The following TECPR2 variants were observed in gnomAD, a reference collection of about 807,000 sequenced individuals.
The protein encoded by TECPR2 is tectonin beta-propeller repeat-containing protein 2.
A neutral mutation model predicts 138.1 loss-of-function variants in TECPR2; 65 were observed. The ratio of observed to expected loss-of-function variants is 0.47; its 90% CI spans 0.39 to 0.58. TECPR2 has a LOEUF of 0.58. Among genes scored for constraint, TECPR2 ranks in the 20% least tolerant of loss-of-function variants. The probability of loss-of-function intolerance (pLI) is 0.00; values close to 1 mark genes in which losing one functional copy is unlikely to be tolerated. For synonymous variants in TECPR2, 746 were observed against 749.8 expected, an observed-to-expected ratio of 0.99 and a Z score of 0.08; for missense variants, 1,553 against 1,824.5, an observed-to-expected ratio of 0.85 and a Z score of 2.71.
At chr14:102,445,498 T>C (rs912069985) in intron 12 of TECPR2, among the ~76,000 whole-genome samples, 2 of 152,102 alleles carry the variant, frequency 1.3e-5, no homozygotes, top group Non-Finnish European at 2.9e-5. Context: ...ATGGAGGCGC[T>C]CAGGGGCCTT....
chr14:102,463,901 A>G (rs1313104843), intron 16 of TECPR2, among the ~76,000 whole-genome samples: 1 of 152,180 alleles, frequency 6.6e-6, no homozygotes, highest in Non-Finnish European at 1.5e-5. Flanking sequence ...ACCAGCCTGG[A>G]TGACAGAGCA....
intron 6 of TECPR2, among the ~76,000 whole-genome samples, chr14:102,426,098 G>A (rs967112158): frequency 9.9e-5 from 15 of 151,930 alleles, no homozygotes; most frequent in Non-Finnish European, 2.2e-4. Flanking sequence ...TGTTGGCCAG[G>A]CTGGTCTCGA....
In TECPR2 at chr14:102,465,137, A is replaced by G. The variant is rs374009074; in HGVS notation, c.3641-4A>G. On this transcript the variant is annotated splice_polypyrimidine_tract_variant and splice_region_variant and intron_variant, in intron 16 of 19. Coordinates refer to ENST00000359520, the MANE Select transcript of TECPR2 (RefSeq NM_014844.5). Reference sequence around the variant, plus strand: ...ATAGTGTGTGTACTTTTCTTTATCTACAGGAGCTGTAAAATTGACAAGCTT... The same window carrying G: ...ATAGTGTGTGTACTTTTCTTTATCTGCAGGAGCTGTAAAATTGACAAGCTT... 25 of 1,614,082 alleles carry G rather than the reference A, an allele frequency of 1.5e-5. No homozygotes were observed. The highest frequency in any genetic ancestry group is 1.9e-5 in the Non-Finnish European group (23 of 1,180,022).
At chr14:102,438,292 G>C in intron 10 of TECPR2, 87 bp downstream of exon 10, 1 of 1,458,012 alleles carries the variant, frequency 6.9e-7, no homozygotes, top group East Asian at 2.4e-5. Flanking sequence ...TCTTAGTACA[G>C]GGCTCCCCTG....
Position 102,407,389 on chromosome 14 carries a change from C to A in TECPR2, c.271C>A (p.Leu91Met), listed in dbSNP as rs1252131374. The A allele has an allele frequency of 6.2e-7, 1 of 1,613,694 alleles. No individual in the cohort carries two copies. Among genetic ancestry groups the A allele is most frequent in the Admixed American group, 1.7e-5 (1 of 59,948 alleles). ...GAAGCTGCTGAGCTGCTTTGATGAC[C>A]TGGTGGCAGCAGGCACAGCCTCTGG... ...VVKLLSCFDD[L>M]VAAGTASGRV... is the part of the protein sequence containing the mutation. Residue 91 changes from leucine (L) to methionine (M), a missense_variant, in exon 3 of 20, where the codon CTG becomes ATG. By Grantham distance (15) the Leu-to-Met change is conservative (BLOSUM62 2). Transcript: ENST00000359520.
Position 102,431,817 on chromosome 14 carries a change from C to G in TECPR2, c.1106C>G (p.Ser369Cys). ...TSTVRDGLEMSGCSERVHVQQ... is the reference protein window; with the variant it reads ...TSTVRDGLEMCGCSERVHVQQ... Reference sequence around the variant, plus strand: ...TTAGTGAGAGATGGTCTGGAGATGTCTGGATGCTCAGAGCGTGTCCACGTG... The same window carrying G: ...TTAGTGAGAGATGGTCTGGAGATGTGTGGATGCTCAGAGCGTGTCCACGTG... The change falls in exon 8 of 20, where the codon TCT becomes TGT. Residue 369 changes from serine (S) to cysteine (C), a missense_variant. Physicochemically the swap from Ser to Cys is moderately radical, Grantham distance 112. Transcript: ENST00000359520. 1 of 1,578,924 alleles carries G rather than the reference C, an allele frequency of 6.3e-7. No homozygotes were observed. The highest frequency in any genetic ancestry group is 8.6e-7 in the Non-Finnish European group (1 of 1,156,368).
In TECPR2 at chr14:102,434,633, G is replaced by C; in HGVS notation, c.1816G>C (p.Asp606His). The change falls in exon 9 of 20, where the codon GAT becomes CAT. Residue 606 changes from aspartate to histidine, a missense_variant. By Grantham distance (81) the Asp-to-His change is moderately conservative (BLOSUM62 -1). Coordinates refer to ENST00000359520, the MANE Select transcript of TECPR2 (RefSeq NM_014844.5). ...GLGDEPCPAD[D>H]GPNSTQLPFQ... ...CGGAGATGAGCCGTGTCCTGCAGAT[G>C]ATGGACCAAATAGCACACAGTTACC... The C allele has an allele frequency of 1.3e-6, 2 of 1,594,478 alleles. No homozygotes were observed. The highest frequency in any genetic ancestry group is 1.7e-6 in the Non-Finnish European group (2 of 1,166,886).
At chr14:102,453,310 T>C (rs1350748317) in intron 16 of TECPR2, among the ~76,000 whole-genome samples, 1 of 151,932 alleles carries the variant, frequency 6.6e-6, no homozygotes, top group Non-Finnish European at 1.5e-5. Context: ...ACCCTGTCTC[T>C]ACTAAAAATA....
At chr14:102,439,091 C>T (rs1284367208) in intron 10 of TECPR2, among the ~76,000 whole-genome samples, 1 of 152,014 alleles carries the variant, frequency 6.6e-6, no homozygotes, top group Non-Finnish European at 1.5e-5. Flanking sequence ...GTCTTGATCT[C>T]CTGACCTCAT....
At position 102,429,281 on chromosome 14, in the gene TECPR2, G is replaced by A. The variant is rs567405657; in HGVS notation, c.1084+899G>A. Reference sequence around the variant, plus strand: ...GAAGATGGGGAGATTGAGAAAGGAGGAAGGAAAAATCAGAAACCACTTTAC... The same window carrying A: ...GAAGATGGGGAGATTGAGAAAGGAGAAAGGAAAAATCAGAAACCACTTTAC... On this transcript the variant is annotated intron_variant, in intron 7 of 19. Transcript: ENST00000359520. Among the ~76,000 whole-genome samples the A allele has an allele frequency of 3.2e-3, 489 of 152,274 alleles. 4 individuals carry two copies. The highest frequency in any genetic ancestry group is 0.011 in the African/African-American group (475 of 41,564).
In TECPR2 at chr14:102,483,981, GA is replaced by G. The variant is rs1890960812; in HGVS notation, c.3790-12997del. Reference sequence around the variant, plus strand: ...CTGGCTGATTCTTATATTTTCAGTAGAGACAAGGTTTCACCATGTTTGCCAG... The same window carrying G: ...CTGGCTGATTCTTATATTTTCAGTAGGACAAGGTTTCACCATGTTTGCCAG... On this transcript the variant is annotated intron_variant, in intron 17 of 19. Coordinates refer to ENST00000359520, the MANE Select transcript of TECPR2 (RefSeq NM_014844.5). Among the ~76,000 whole-genome samples, 3 of 74,022 alleles carry G rather than the reference GA, an allele frequency of 4.1e-5. 1 individual carries two copies. Among genetic ancestry groups the G allele is most frequent in the Non-Finnish European group, 7.8e-5 (3 of 38,286 alleles). 48.6% of individuals were successfully genotyped at this position (74,022 alleles called of 152,430 possible).
At chr14:102,440,364 A>G in intron 10 of TECPR2, 72 bp from the exon 11 acceptor site, 3 of 1,556,628 alleles carry the variant, frequency 1.9e-6, no homozygotes, top group Non-Finnish European at 2.6e-6. Context: ...CTCAATGCCC[A>G]GCATGAAGAC....
At chr14:102,378,830 G>A (rs899417037) in intron 2 of TECPR2, among the ~76,000 whole-genome samples, 7 of 152,012 alleles carry the variant, frequency 4.6e-5, no homozygotes. Flanking sequence ...TCACCATGTT[G>A]GCCAGGCTGG....
chr14:102,452,656 G>A (rs748166337), intron 16 of TECPR2, 29 bp downstream of exon 16: 2 of 1,531,894 alleles, frequency 1.3e-6, no homozygotes, highest in Non-Finnish European at 8.9e-7. Flanking sequence ...TACACCTGCC[G>A]GTGCCCTGAC....
At position 102,449,750 on chromosome 14, in the gene TECPR2, G is replaced by C. The variant is rs868392319; in HGVS notation, c.3197G>C (p.Arg1066Pro). 11 of 1,614,044 alleles carry C rather than the reference G, an allele frequency of 6.8e-6. No homozygotes were observed. Among genetic ancestry groups the C allele is most frequent in the African/African-American group, 1.3e-5 (1 of 74,904 alleles). The change falls in exon 14 of 20, where the codon CGC becomes CCC. Residue 1066 changes from arginine (R) to proline (P), a missense_variant. Coordinates refer to ENST00000359520, the MANE Select transcript of TECPR2 (RefSeq NM_014844.5). The stretch of plus-strand genomic sequence containing the variant: ...GTAGAAAAGGTGGCAGATAAGCTGC[G>C]CATGGCGTTTTGGTCCCAGCAGCTT... Reference protein sequence around the residue: ...APVEKVADKLRMAFWSQQLQC... With the variant: ...APVEKVADKLPMAFWSQQLQC...
chr14:102,408,634 A>G lies in TECPR2; in HGVS notation c.480+15A>G, dbSNP rs1888729996. 6.3e-7 allele frequency: 1 copy of G among 1,596,554 alleles called. No homozygotes were observed. The highest frequency in any genetic ancestry group is 8.5e-7 in the Non-Finnish European group (1 of 1,174,850). The stretch of plus-strand genomic sequence containing the variant: ...ATCTAGACCAGGTAAAATTATTTTC[A>G]GAAATACTGTTGGCTCTTACCTTCT... On this transcript the variant is annotated intron_variant, in intron 4 of 19. Coordinates refer to ENST00000359520, the MANE Select transcript of TECPR2 (RefSeq NM_014844.5).
Position 102,498,992 on chromosome 14 carries a change from A to G in TECPR2, c.*735A>G. The G allele has an allele frequency of 1.4e-6, 1 of 697,324 alleles. No homozygotes were observed. The highest frequency in any genetic ancestry group is 2.6e-6 in the Non-Finnish European group (1 of 382,844). 43.2% of individuals were successfully genotyped at this position (697,324 alleles called of 1,614,324 possible). ...CACAACACACCACACCCCACACCGC[A>G]CTGCACCGCACCGCACCGCACCGTA... On this transcript the variant is annotated 3_prime_UTR_variant, in exon 20 of 20. Coordinates refer to ENST00000359520, the MANE Select transcript of TECPR2 (RefSeq NM_014844.5).
At chr14:102,377,027 T>G in intron 2 of TECPR2, 87 bp downstream of exon 2, 2 of 1,405,216 alleles carry the variant, frequency 1.4e-6, no homozygotes, top group Non-Finnish European at 1.9e-6. Flanking sequence ...GATAATTTAC[T>G]TCTGATTTGC....
At chr14:102,402,251 G>A (rs373163101) in intron 2 of TECPR2, among the ~76,000 whole-genome samples, 39 of 152,036 alleles carry the variant, frequency 2.6e-4, no homozygotes, top group African/African-American at 9.2e-4. Flanking sequence ...AAGGAAAATT[G>A]GAGAATCCAC....
Sources: gnomAD v4.1 joint callset for allele counts (sites outside exome capture counted in the v4.1 genomes callset) on GRCh38, gnomAD v4.1.1 for gene constraint, MANE v1.5 for transcripts, NCBI Gene and HGNC (gene_info 2026-07-23, HGNC 2026-07-21) for gene names.